SLC9A9: variants seen among roughly 807,000 people sequenced by gnomAD.
SLC9A9 encodes the protein solute carrier family 9 member A9, also known as sodium/hydrogen exchanger 9.
A neutral mutation model predicts 77.8 loss-of-function variants in SLC9A9; 62 were observed. The observed-to-expected ratio is 0.80, with a 90% CI of 0.65 to 0.98. The LOEUF (loss-of-function observed/expected upper bound fraction) is 0.98. SLC9A9 is among the 50% of genes least tolerant of loss of function. SLC9A9 has a pLI of 0.00. For missense variants in SLC9A9, 775 were observed against 774.9 expected, an observed-to-expected ratio of 1.00 and a Z score of 0.00; for synonymous variants, 320 against 283.5, an observed-to-expected ratio of 1.13 and a Z score of -1.29.
intron 13 of SLC9A9, among the ~76,000 whole-genome samples, chr3:143,380,726 C>CA (rs550768328): frequency 2.2e-3 from 336 of 152,234 alleles, no homozygotes; most frequent in Non-Finnish European, 3.6e-3. Context: ...ACACATGTGA[C>CA]AAAAAACCTC....
At chr3:143,703,016 A>G (rs548479676) in intron 4 of SLC9A9, among the ~76,000 whole-genome samples, 2 of 152,230 alleles carry the variant, frequency 1.3e-5, no homozygotes, top group East Asian at 3.9e-4. Context: ...TTAGCAAGAG[A>G]ATATAATGAT....
chr3:143,280,188 C>T (rs1273143181), intron 14 of SLC9A9, among the ~76,000 whole-genome samples: 1 of 149,674 alleles, frequency 6.7e-6, no homozygotes, highest in Non-Finnish European at 1.5e-5. Context: ...TTCTAACTTT[C>T]CCAAACTCTA....
At chr3:143,443,500 G>A (rs1335650325) in intron 12 of SLC9A9, among the ~76,000 whole-genome samples, 1 of 152,082 alleles carries the variant, frequency 6.6e-6, no homozygotes, top group East Asian at 1.9e-4. Context: ...AAGAAATGAA[G>A]AACTAGATAA....
intron 14 of SLC9A9, among the ~76,000 whole-genome samples, chr3:143,283,986 ATAATGTTTTGG>A (rs1266020395): frequency 6.6e-6 from 1 of 152,168 alleles, no homozygotes; most frequent in Non-Finnish European, 1.5e-5. Flanking sequence ...CCTTGTAAAA[ATAATGTTTTGG>A]TAGTTTGTTG....
At chr3:143,484,292 C>G (rs1474008276) in intron 11 of SLC9A9, among the ~76,000 whole-genome samples, 1 of 152,146 alleles carries the variant, frequency 6.6e-6, no homozygotes, top group Non-Finnish European at 1.5e-5. Flanking sequence ...CTCTCACGCA[C>G]CCAGAAAAGG....
intron 9 of SLC9A9, among the ~76,000 whole-genome samples, chr3:143,518,923 G>C (rs2108611825): frequency 6.6e-6 from 1 of 152,296 alleles, no homozygotes; most frequent in South Asian, 2.1e-4. Flanking sequence ...TGGAATTCCT[G>C]TGTCACAACA....
chr3:143,832,042 G>C lies in SLC9A9; in HGVS notation c.355C>G (p.Gln119Glu). The C allele has an allele frequency of 6.2e-7, 1 of 1,612,522 alleles. No homozygotes were observed. The highest frequency in any genetic ancestry group is 2.2e-5 in the East Asian group (1 of 44,778). Residue 119 changes from glutamine to glutamate, a missense_variant, in exon 2 of 16, where the codon CAA (glutamine) becomes GAA (glutamate). Gln to Glu is a conservative substitution (Grantham distance 29). Coordinates refer to ENST00000316549, the MANE Select transcript of SLC9A9 (RefSeq NM_173653.4). ...ACCTTTTCAAGTATAGCATTTCCTT[G>C]ATGAGGATTGATGTTGTGCTGACTT... Reference protein sequence around the residue: ...EISQHNINPHQGNAILEKMTF... With the variant: ...EISQHNINPHEGNAILEKMTF...
intron 9 of SLC9A9, among the ~76,000 whole-genome samples, chr3:143,550,064 T>G (rs1317203187): frequency 1.3e-5 from 2 of 152,124 alleles, no homozygotes; most frequent in Non-Finnish European, 2.9e-5. Context: ...TTTGCAGTGA[T>G]AGGCAGAGGG....
At chr3:143,757,185 AGGGTTTG>A in intron 4 of SLC9A9, among the ~76,000 whole-genome samples, 1 of 152,152 alleles carries the variant, frequency 6.6e-6, no homozygotes, top group Non-Finnish European at 1.5e-5. Context: ...GGGGGAATTC[AGGGTTTG>A]CTTTTCATTT....
chr3:143,721,750 T>C (rs1274880871), intron 4 of SLC9A9, among the ~76,000 whole-genome samples: 1 of 152,072 alleles, frequency 6.6e-6, no homozygotes, highest in Non-Finnish European at 1.5e-5. Flanking sequence ...GTTACAAGGC[T>C]CAGCAGTGGT....
chr3:143,606,432 C>CTATA (rs1287074508), intron 6 of SLC9A9, among the ~76,000 whole-genome samples: 604 of 58,558 alleles, frequency 0.01, 2 homozygotes, highest in Non-Finnish European at 0.012. Context: ...CTCTCTCTCT[C>CTATA]TCTCTATATA....
chr3:143,494,550 G>GA (rs1284561251), intron 10 of SLC9A9, among the ~76,000 whole-genome samples: 6 of 152,226 alleles, frequency 3.9e-5, no homozygotes, highest in Non-Finnish European at 7.3e-5. Context: ...AGTTTATAGA[G>GA]AGGGATTGCC....
chr3:143,269,613 A>G (rs1213187157), intron 14 of SLC9A9, among the ~76,000 whole-genome samples: 1 of 152,216 alleles, frequency 6.6e-6, no homozygotes, highest in Non-Finnish European at 1.5e-5. Flanking sequence ...TTGTTCATCT[A>G]AAGCCATTGT....
At chr3:143,774,971 GGC>G (rs1344084300) in intron 4 of SLC9A9, among the ~76,000 whole-genome samples, 1 of 152,108 alleles carries the variant, frequency 6.6e-6, no homozygotes, top group Non-Finnish European at 1.5e-5. Context: ...GTCTTCACCT[GGC>G]ATAGGAATAG....
chr3:143,666,238 T>C (rs1242048), intron 5 of SLC9A9, among the ~76,000 whole-genome samples: 4,721 of 152,240 alleles, frequency 0.031, 107 homozygotes, highest in Middle Eastern at 0.088. Context: ...AAAAACCACA[T>C]GATTATCTCA....
intron 5 of SLC9A9, 32 bp from the exon 6 acceptor site, chr3:143,652,392 C>G: frequency 6.4e-7 from 1 of 1,558,494 alleles, no homozygotes; most frequent in Non-Finnish European, 8.8e-7. Flanking sequence ...TGCAGGTTAG[C>G]TTGGATGCAG....
intron 4 of SLC9A9, among the ~76,000 whole-genome samples, chr3:143,752,801 G>A (rs945773863): frequency 1.3e-5 from 2 of 151,804 alleles, no homozygotes; most frequent in Admixed American, 1.3e-4. Flanking sequence ...TGGGAGATAA[G>A]CTTTGCTCCC....
At chr3:143,704,070 T>C (rs1480034361) in intron 4 of SLC9A9, among the ~76,000 whole-genome samples, 1 of 152,112 alleles carries the variant, frequency 6.6e-6, no homozygotes, top group Non-Finnish European at 1.5e-5. Context: ...GTAACAAGAT[T>C]GAAGTTGTAA....
chr3:143,758,777 GA>G (rs1259723549), intron 4 of SLC9A9, among the ~76,000 whole-genome samples: 1 of 152,068 alleles, frequency 6.6e-6, no homozygotes, highest in Non-Finnish European at 1.5e-5. Flanking sequence ...AGAGTCCTCT[GA>G]ACCTTCCTCT....
Sources: gnomAD v4.1 joint callset for allele counts (sites outside exome capture counted in the v4.1 genomes callset) on GRCh38, gnomAD v4.1.1 for gene constraint, MANE v1.5 for transcripts, NCBI Gene and HGNC (gene_info 2026-07-23, HGNC 2026-07-21) for gene names.